Variants in CPAP observed in about 807,000 individuals in gnomAD.
CPAP encodes the protein centrosome assembly and centriole elongation protein.
chr13:24,883,389 T>A, the CPAP span: 73 of 1,536,470 alleles, frequency 4.8e-5, no homozygotes, highest in African/African-American at 9.2e-4. Context: ...TTAAAAAAAA[T>A]ATGATTTCTT....
the CPAP span, chr13:24,886,250 G>GC: frequency 8.4e-7 from 1 of 1,196,868 alleles, no homozygotes; most frequent in East Asian, 5.7e-5. Flanking sequence ...AGGGTCTCGA[G>GC]CAAGTGCCAG....
At chr13:24,911,577 C>T in the CPAP span, among the ~76,000 whole-genome samples, 7 of 152,032 alleles carry the variant, frequency 4.6e-5, no homozygotes, top group African/African-American at 9.7e-5. Context: ...CTCTGTTGCC[C>T]GGCTGGAATG....
chr13:24,899,961 CA>C, the CPAP span, among the ~76,000 whole-genome samples: 29,516 of 144,378 alleles, frequency 0.2, 3,197 homozygotes, highest in South Asian at 0.33. Context: ...GACTCTGTCT[CA>C]AAAAAAAAAA....
the CPAP span, chr13:24,883,502 A>ATT: frequency 0.21 from 142,021 of 661,580 alleles, 16,181 homozygotes; most frequent in Middle Eastern, 0.28. Context: ...TCCCTATACA[A>ATT]TTGTAACTTT....
At chr13:24,925,186 A>G in the CPAP span, among the ~76,000 whole-genome samples, 1 of 152,168 alleles carries the variant, frequency 6.6e-6, no homozygotes, top group Non-Finnish European at 1.5e-5. Flanking sequence ...TCTGTTGCCC[A>G]GGCTGGTCTC....
chr13:24,894,119 A>C, the CPAP span, among the ~76,000 whole-genome samples: 1 of 152,126 alleles, frequency 6.6e-6, no homozygotes. Context: ...ATGACAAGTA[A>C]ATGGCAGGAG....
At chr13:24,912,853 C>T in the CPAP span, 2 of 1,614,078 alleles carry the variant, frequency 1.2e-6, no homozygotes, top group Non-Finnish European at 1.7e-6. Flanking sequence ...AAAATGTGTG[C>T]CTTTAATAGG....
At chr13:24,931,552 T>C in the CPAP span, among the ~76,000 whole-genome samples, 1 of 152,190 alleles carries the variant, frequency 6.6e-6, no homozygotes. Flanking sequence ...TTCTCTACTC[T>C]ATCCTTTCTA....
the CPAP span, among the ~76,000 whole-genome samples, chr13:24,930,991 TTAA>T: frequency 6.6e-6 from 1 of 152,210 alleles, no homozygotes; most frequent in Non-Finnish European, 1.5e-5. Flanking sequence ...CCTTGACTTT[TTAA>T]TAATAACTGT....
At chr13:24,910,306 C>G in the CPAP span, among the ~76,000 whole-genome samples, 1 of 152,232 alleles carries the variant, frequency 6.6e-6, no homozygotes, top group African/African-American at 2.4e-5. Context: ...TCACTGCAAC[C>G]TCCACCTCTT....
chr13:24,932,318 T>C, the CPAP span, among the ~76,000 whole-genome samples: 1 of 151,986 alleles, frequency 6.6e-6, no homozygotes, highest in African/African-American at 2.4e-5. Context: ...CTAGTAAAAA[T>C]AGAAAAAAAT....
the CPAP span, chr13:24,909,882 C>T: frequency 1.1e-5 from 17 of 1,613,898 alleles, no homozygotes; most frequent in South Asian, 4.4e-5. Context: ...AGGAGACGCA[C>T]GTTTTGAAGT....
At chr13:24,906,905 C>T in the CPAP span, 5 of 1,613,912 alleles carry the variant, frequency 3.1e-6, no homozygotes, top group Admixed American at 5.0e-5. Context: ...ACCTTCTCCT[C>T]GTTTTAAAAA....
the CPAP span, among the ~76,000 whole-genome samples, chr13:24,915,985 A>G: frequency 1.3e-5 from 2 of 152,230 alleles, no homozygotes; most frequent in Non-Finnish European, 2.9e-5. Flanking sequence ...GAGAACTTCA[A>G]TGAGAGTAGC....
chr13:24,906,843 T>C, the CPAP span: 1 of 1,614,224 alleles, frequency 6.2e-7, no homozygotes, highest in Non-Finnish European at 8.5e-7. Context: ...GTCACTAGTT[T>C]ACTTTCTTTG....
the CPAP span, chr13:24,913,064 G>A: frequency 6.4e-7 from 1 of 1,564,544 alleles, no homozygotes. Context: ...ACAATGCAAA[G>A]GCTAGAAGAG....
chr13:24,889,375 CTG>C, the CPAP span: 1 of 1,611,222 alleles, frequency 6.2e-7, no homozygotes, highest in Non-Finnish European at 8.5e-7. Context: ...AGAAATCTGA[CTG>C]TTTTGAAATC....
At chr13:24,912,721 A>T in the CPAP span, 7 of 1,613,978 alleles carry the variant, frequency 4.3e-6, no homozygotes, top group African/African-American at 1.3e-5. Context: ...TCCCTTTTTA[A>T]TGCAAGGAAA....
chr13:24,908,011 A>C, the CPAP span: 1 of 1,572,300 alleles, frequency 6.4e-7, no homozygotes, highest in Non-Finnish European at 8.7e-7. Flanking sequence ...TTCAACACGA[A>C]CAATACCTTT....
Sources: allele counts gnomAD v4.1 joint callset (sites outside exome capture counted in the v4.1 genomes callset), GRCh38; gene constraint gnomAD v4.1.1; transcripts MANE v1.5; gene names NCBI Gene and HGNC (gene_info 2026-07-23, HGNC 2026-07-21).